The following BMPR1B variants were observed in gnomAD, a reference collection of about 807,000 sequenced individuals.
BMPR1B encodes the protein bone morphogenetic protein receptor type 1B.
In BMPR1B, 12 loss-of-function variants were observed where a neutral mutation model predicts 59.1. That is an observed-to-expected ratio of 0.20 (90% CI 0.13 to 0.33). The LOEUF (loss-of-function observed/expected upper bound fraction) is 0.33. Ranked by LOEUF, BMPR1B falls within the 10% of genes least tolerant of loss-of-function variation. BMPR1B has a pLI of 1.00. For missense variants in BMPR1B, 550 were observed against 610.9 expected (o/e 0.90, Z 1.05); for synonymous variants, 237 against 207.3 (o/e 1.14, Z -1.23).
At chr4:94,964,327 C>T (rs1427876147) in intron 2 of BMPR1B, among the ~76,000 whole-genome samples, 5 of 152,046 alleles carry the variant, frequency 3.3e-5, no homozygotes, top group Non-Finnish European at 5.9e-5. Context: ...TTTCTCTTGT[C>T]TAATTGCTCT....
At chr4:94,948,613 C>CTTTTT (rs1433040869) in intron 2 of BMPR1B, among the ~76,000 whole-genome samples, 1 of 152,084 alleles carries the variant, frequency 6.6e-6, no homozygotes, top group African/African-American at 2.4e-5. Context: ...AGGTCAGGTC[C>CTTTTT]TTTTTTTAAA....
In BMPR1B at chr4:95,154,813, T is replaced by G; in HGVS notation, c.*140T>G. 8.1e-7 allele frequency: 1 copy of G among 1,239,942 alleles called. No individual in the cohort carries two copies. Among genetic ancestry groups the G allele is most frequent in the Non-Finnish European group, 1.2e-6 (1 of 867,144 alleles). 76.8% of individuals were successfully genotyped at this position (1,239,942 alleles called of 1,614,324 possible). On this transcript the variant is annotated 3_prime_UTR_variant, in exon 13 of 13. Coordinates refer to ENST00000515059, the MANE Select transcript of BMPR1B (RefSeq NM_001203.3). Reference sequence around the variant, plus strand: ...CTTCCCAGTGGGTTCAGACCTCACCTCTCAGGGAGCGACCTGGGCAAAGAC... The same window carrying G: ...CTTCCCAGTGGGTTCAGACCTCACCGCTCAGGGAGCGACCTGGGCAAAGAC...
intron 1 of BMPR1B, among the ~76,000 whole-genome samples, chr4:94,849,608 G>A (rs1369927075): frequency 1.3e-5 from 2 of 152,104 alleles, no homozygotes; most frequent in Non-Finnish European, 2.9e-5. Flanking sequence ...GGAAACTGCT[G>A]TAGTGCTGTG....
intron 10 of BMPR1B, among the ~76,000 whole-genome samples, chr4:95,140,420 A>G (rs1734144014): frequency 6.6e-6 from 1 of 152,138 alleles, no homozygotes; most frequent in South Asian, 2.1e-4. Flanking sequence ...TCTTTTGCGA[A>G]ACTGAGCTGC....
intron 10 of BMPR1B, among the ~76,000 whole-genome samples, chr4:95,134,985 A>G (rs2149306800): frequency 6.6e-6 from 1 of 152,206 alleles, no homozygotes; most frequent in South Asian, 2.1e-4. Context: ...TGTGGTTTTT[A>G]TGGTTTTAGG....
At chr4:94,855,480 A>G (rs867511835) in intron 1 of BMPR1B, among the ~76,000 whole-genome samples, 7 of 152,232 alleles carry the variant, frequency 4.6e-5, no homozygotes, top group African/African-American at 1.4e-4. Flanking sequence ...CTATGAAACT[A>G]TGTCTAACAT....
chr4:94,980,454 A>C (rs1731193407), intron 2 of BMPR1B, among the ~76,000 whole-genome samples: 1 of 152,044 alleles, frequency 6.6e-6, no homozygotes, highest in Admixed American at 6.5e-5. Context: ...TGAGAAAAAA[A>C]ATTGATTCCC....
intron 6 of BMPR1B, among the ~76,000 whole-genome samples, chr4:95,117,364 A>C (rs1160645937): frequency 6.6e-6 from 1 of 152,222 alleles, no homozygotes; most frequent in African/African-American, 2.4e-5. Context: ...ATAGCCTATG[A>C]GTAGCAGTGA....
chr4:95,071,042 C>A (rs1433722389), intron 3 of BMPR1B, among the ~76,000 whole-genome samples: 1 of 152,040 alleles, frequency 6.6e-6, no homozygotes, highest in Non-Finnish European at 1.5e-5. Flanking sequence ...TGAAAAATGT[C>A]TAAATGTTTC....
chr4:94,849,276 G>A (rs1464713327), intron 1 of BMPR1B, among the ~76,000 whole-genome samples: 1 of 152,158 alleles, frequency 6.6e-6, no homozygotes, highest in Non-Finnish European at 1.5e-5. Flanking sequence ...ATTTGAAAGA[G>A]AAGGAATTGA....
intron 2 of BMPR1B, among the ~76,000 whole-genome samples, chr4:94,919,546 C>G (rs1370599907): frequency 2.0e-5 from 3 of 151,986 alleles, no homozygotes; most frequent in African/African-American, 7.3e-5. Context: ...TATCCACCCC[C>G]TCAACCCACC....
At position 94,860,426 on chromosome 4, in the gene BMPR1B, G is replaced by A. The variant is rs564861456; in HGVS notation, c.-182-15405G>A. On this transcript the variant is annotated intron_variant, in intron 1 of 12. Transcript: ENST00000515059. ...ACAGAAGACATTTCTTGATGATAAG[G>A]ATTGCTTCTTACTGAATTTTTTATT... Among the ~76,000 whole-genome samples the A allele has an allele frequency of 4.6e-5, 7 of 152,220 alleles. No homozygotes were observed. The South Asian group carries it at 1.5e-3, about 32-fold the overall frequency.
At chr4:94,987,222 TATATA>T (rs1305341779) in intron 2 of BMPR1B, among the ~76,000 whole-genome samples, 10 of 145,124 alleles carry the variant, frequency 6.9e-5, no homozygotes, top group Non-Finnish European at 1.2e-4. Flanking sequence ...TATCATATTA[TATATA>T]ATATATGTAA....
At chr4:94,812,010 T>C (rs1723836328) in intron 1 of BMPR1B, among the ~76,000 whole-genome samples, 1 of 152,222 alleles carries the variant, frequency 6.6e-6, no homozygotes, top group Non-Finnish European at 1.5e-5. Flanking sequence ...TCAAAAATTT[T>C]ATGTTGTAGA....
In BMPR1B at chr4:95,131,276, C is replaced by A; in HGVS notation, c.840C>A (p.Asp280Glu). Residue 280 changes from aspartate to glutamate, a missense_variant, in exon 10 of 13, where the codon GAC becomes GAA. Around this residue, in one of 6 missense-constraint regions of BMPR1B, gnomAD observed 318 missense variants for 284.6 expected, o/e 1.12. Coordinates refer to ENST00000515059, the MANE Select transcript of BMPR1B (RefSeq NM_001203.3). ...GSWTQLYLIT[D>E]YHENGSLYDY... Reference sequence around the variant, plus strand: ...GGACCCAGTTGTACCTAATCACAGACTATCATGAAAATGGTTCCCTTTATG... The same window carrying A: ...GGACCCAGTTGTACCTAATCACAGAATATCATGAAAATGGTTCCCTTTATG... The A allele has an allele frequency of 6.2e-7, 1 of 1,613,882 alleles. No homozygotes were observed. Among genetic ancestry groups the A allele is most frequent in the Non-Finnish European group, 8.5e-7 (1 of 1,179,906 alleles).
chr4:94,770,180 G>GTTTTT lies in BMPR1B; in HGVS notation c.-183+12113_-183+12114insTTTTT, dbSNP rs1553903537. ...TTTGTTTGAATTGTCCTTCGTTTCT[G>GTTTTT]TGTTTGTTTTTTTTTTTTTTTTTTG... On this transcript the variant is annotated intron_variant, in intron 1 of 12. Transcript: ENST00000515059. Among the ~76,000 whole-genome samples, 35 of 106,256 alleles carry GTTTTT rather than the reference G, an allele frequency of 3.3e-4. 1 individual carries two copies. The highest frequency in any genetic ancestry group is 9.9e-4 in the African/African-American group (24 of 24,202). 69.7% of individuals were successfully genotyped at this position (106,256 alleles called of 152,430 possible). A position where few individuals can be genotyped will look rare whatever the true frequency, so the allele number is the denominator to read the frequency against.
chr4:95,068,759 C>T (rs1300974797), intron 3 of BMPR1B, among the ~76,000 whole-genome samples: 1 of 152,152 alleles, frequency 6.6e-6, no homozygotes, highest in Non-Finnish European at 1.5e-5. Flanking sequence ...CAACCCCAGT[C>T]ACAAACTTCA....
At position 94,959,438 on chromosome 4, in the gene BMPR1B, C is replaced by T. The variant is rs528551547; in HGVS notation, c.-112-36602C>T. Reference sequence around the variant, plus strand: ...ACATTGTAAAGTAAGACCCCTTCTCCGACCCAGTCAGGATGGACTCATTGG... The same window carrying T: ...ACATTGTAAAGTAAGACCCCTTCTCTGACCCAGTCAGGATGGACTCATTGG... On this transcript the variant is annotated intron_variant, in intron 2 of 12. Coordinates refer to ENST00000515059, the MANE Select transcript of BMPR1B (RefSeq NM_001203.3). 3.4e-4 allele frequency among the ~76,000 whole-genome samples: 51 copies of T among 152,184 alleles called. No individual in the cohort carries two copies. The South Asian group carries it at 9.3e-3, about 28-fold the overall frequency.
At chr4:94,852,852 C>G (rs1725617675) in intron 1 of BMPR1B, among the ~76,000 whole-genome samples, 1 of 152,100 alleles carries the variant, frequency 6.6e-6, no homozygotes, top group Admixed American at 6.6e-5. Flanking sequence ...TTCTTAGGAA[C>G]TCATCTGGAA....
Sources: allele counts gnomAD v4.1 joint callset (sites outside exome capture counted in the v4.1 genomes callset), GRCh38; gene constraint gnomAD v4.1.1; regional missense constraint gnomAD v4.1.1; transcripts MANE v1.5; gene names NCBI Gene and HGNC (gene_info 2026-07-23, HGNC 2026-07-21).